Variants in ADAMTS7 observed in about 807,000 individuals in gnomAD.
The protein encoded by ADAMTS7 is A disintegrin and metalloproteinase with thrombospondin motifs 7.
ADAMTS7 carries 89 observed loss-of-function variants against 172.6 expected under a neutral mutation model. The observed-to-expected ratio is 0.52, with a 90% CI of 0.43 to 0.61. ADAMTS7 has a LOEUF of 0.61. Among genes scored for constraint, ADAMTS7 ranks in the 20% least tolerant of loss-of-function variants. The probability of loss-of-function intolerance (pLI) is 0.00; values close to 1 mark genes in which losing one functional copy is unlikely to be tolerated. For missense variants in ADAMTS7, 1,973 were observed against 2,355.6 expected (o/e 0.84, Z 3.36); for synonymous variants, 885 against 978.4 (o/e 0.90, Z 1.78).
rs561021726 is a variant in ADAMTS7, at chr15:78,804,716, A to G, written c.101-4169T>C. ...CCTCAAAGAGCTTTCTCTGAGAGTC[A>G]AGAGACTGGGTAGGCTGGGGCAACG... On this transcript the variant is annotated intron_variant, in intron 1 of 23. Transcript: ENST00000388820. Among the ~76,000 whole-genome samples, 3 of 152,332 alleles carry G rather than the reference A, an allele frequency of 2.0e-5. No homozygotes were observed. In the South Asian group the frequency reaches 6.2e-4, roughly 32 times the overall value.
At position 78,771,713 on chromosome 15, in the gene ADAMTS7, T is replaced by A; in HGVS notation, c.2248A>T (p.Asn750Tyr). Residue 750 changes from asparagine to tyrosine, a missense_variant, in exon 15 of 24, where the codon AAT becomes TAT. Physicochemically the swap from Asn to Tyr is moderately radical, Grantham distance 143 (BLOSUM62 -2). Around this residue, in one of 8 missense-constraint regions of ADAMTS7, gnomAD observed 771 missense variants for 952.6 expected, o/e 0.81. Transcript: ENST00000388820. This position sits in a 1 kb window ranked among gnomAD's most constrained non-coding sequence, Gnocchi z 4.9. ...TTCCACTGGATGGTCCAGCCACCAT[T>A]GAGGAAGTACTTCTCCGGGTCCTCG... is the stretch of plus-strand genomic sequence containing the variant. ...RSEDPEKYFL[N>Y]GGWTIQWNGD... 6.2e-7 allele frequency: 1 copy of A among 1,608,758 alleles called. No individual in the cohort carries two copies. The highest frequency in any genetic ancestry group is 8.5e-7 in the Non-Finnish European group (1 of 1,179,988).
chr15:78,796,564 C>G (rs772215069), intron 4 of ADAMTS7, 26 bp downstream of exon 4: 29 of 1,594,982 alleles, frequency 1.8e-5, no homozygotes, highest in Non-Finnish European at 2.3e-5. Context: ...ATCCCCGCCA[C>G]CCGCTCCTGG....
Position 78,800,243 on chromosome 15 carries a change from C to T in ADAMTS7, c.405G>A (p.Gln135=). 1 of 1,595,440 alleles carries T rather than the reference C, an allele frequency of 6.3e-7. No homozygotes were observed. The highest frequency in any genetic ancestry group is 1.3e-5 in the African/African-American group (1 of 74,756). Reference sequence around the variant, plus strand: ...CCAGGCCACCCTCGAGCTCAGGGTCCTGCACCTCGCCAAGCAGGTGGCAGG... The same window carrying T: ...CCAGGCCACCCTCGAGCTCAGGGTCTTGCACCTCGCCAAGCAGGTGGCAGG... ...TPACHLLGEV[Q]DPELEGGLAA... Residue 135 remains glutamine (Q), a synonymous_variant, in exon 2 of 24, where the codon CAG becomes CAA. Coordinates refer to ENST00000388820, the MANE Select transcript of ADAMTS7 (RefSeq NM_014272.5).
At chr15:78,808,044 T>TG (rs2055818975) in intron 1 of ADAMTS7, among the ~76,000 whole-genome samples, 2 of 151,910 alleles carry the variant, frequency 1.3e-5, no homozygotes, top group African/African-American at 2.4e-5. Context: ...TTTGTAGAGA[T>TG]GGGGTCTCAT....
At chr15:78,810,995 A>G in intron 1 of ADAMTS7, 126 bp downstream of exon 1, 2 of 1,043,632 alleles carry the variant, frequency 1.9e-6, no homozygotes, top group Non-Finnish European at 2.4e-6. Context: ...GGAGCGGAAG[A>G]CGCGACCAAC....
At chr15:78,778,403 C>T (rs533927594) in intron 8 of ADAMTS7, among the ~76,000 whole-genome samples, 266 of 152,366 alleles carry the variant, frequency 1.7e-3, no homozygotes, top group African/African-American at 6.2e-3. Flanking sequence ...CTCAGGCATG[C>T]TATTGCTTCT....
chr15:78,760,267 C>T (rs986730838), intron 23 of ADAMTS7, among the ~76,000 whole-genome samples: 5 of 152,322 alleles, frequency 3.3e-5, no homozygotes, highest in East Asian at 1.9e-4. Context: ...CCTCCTGCCC[C>T]GTGGTTATCA....
At chr15:78,781,520 C>G (rs1357883375) in intron 8 of ADAMTS7, among the ~76,000 whole-genome samples, 1 of 152,136 alleles carries the variant, frequency 6.6e-6, no homozygotes, top group Non-Finnish European at 1.5e-5. Context: ...TCTGGGAGGC[C>G]CCGGCTGGCT....
chr15:78,759,676 C>T (rs1224991356), intron 23 of ADAMTS7, 98 bp from the exon 24 acceptor site: 3 of 1,345,090 alleles, frequency 2.2e-6, no homozygotes, highest in Non-Finnish European at 2.9e-6. Flanking sequence ...CCAGCAGCTC[C>T]CCACCAAGCA....
intron 6 of ADAMTS7, 89 bp from the exon 7 acceptor site, chr15:78,789,927 G>A (rs2055556414): frequency 1.4e-6 from 2 of 1,473,716 alleles, no homozygotes; most frequent in East Asian, 2.5e-5. Context: ...CCCCCGAATT[G>A]ATCCCAAGCG....
intron 1 of ADAMTS7, among the ~76,000 whole-genome samples, chr15:78,806,433 T>C (rs1314037689): frequency 2.6e-5 from 4 of 152,112 alleles, no homozygotes; most frequent in Admixed American, 1.3e-4. Context: ...GGTCCAGGCA[T>C]GTGTTTTGTA....
At chr15:78,786,187 C>A (rs894293929) in intron 8 of ADAMTS7, among the ~76,000 whole-genome samples, 2 of 152,036 alleles carry the variant, frequency 1.3e-5, no homozygotes, top group Non-Finnish European at 2.9e-5. Context: ...GCCTCAGCCT[C>A]CCAAAGTGCT....
rs144841242 is a variant in ADAMTS7 at position 78,803,696 on chromosome 15, A to T, written c.101-3149T>A. Among the ~76,000 whole-genome samples the T allele has an allele frequency of 2.9e-3, 448 of 152,158 alleles. 1 individual carries two copies. Among genetic ancestry groups the T allele is most frequent in the Non-Finnish European group, 3.7e-3 (255 of 68,004 alleles). On this transcript the variant is annotated intron_variant, in intron 1 of 23. Transcript: ENST00000388820. ...TTGAACTCCTGGCCTCTAGTGATCC[A>T]CTCACCTCAGACTCCAAAAGTGCTA...
chr15:78,810,997 G>A (rs1021311738), intron 1 of ADAMTS7, 124 bp downstream of exon 1: 209 of 1,063,380 alleles, frequency 2.0e-4, no homozygotes, highest in Admixed American at 1.8e-3. Context: ...AGCGGAAGAC[G>A]CGACCAACTC....
At position 78,789,310 on chromosome 15, in the gene ADAMTS7, G is replaced by A. The variant is rs145903742; in HGVS notation, c.1178+379C>T. 1.1e-3 allele frequency among the ~76,000 whole-genome samples: 164 copies of A among 152,336 alleles called. 3 individuals carry two copies. In the East Asian group the frequency reaches 0.031, roughly 29 times the overall value. ...GGGAAGCACACAGAGGCCCAGAGAG[G>A]GCAGGCACTGGCCCAGGCCACAGAG... On this transcript the variant is annotated intron_variant, in intron 7 of 23. Coordinates refer to ENST00000388820, the MANE Select transcript of ADAMTS7 (RefSeq NM_014272.5).
intron 22 of ADAMTS7, 113 bp from the exon 23 acceptor site, chr15:78,762,678 T>C: frequency 2.2e-6 from 2 of 900,748 alleles, no homozygotes; most frequent in Non-Finnish European, 3.0e-6. Flanking sequence ...GGCCTGGCCT[T>C]GCTCCCAGCC....
In ADAMTS7 at chr15:78,802,522, C is replaced by A. The variant is rs577656598; in HGVS notation, c.101-1975G>T. Among the ~76,000 whole-genome samples the A allele has an allele frequency of 3.9e-5, 6 of 152,290 alleles. No individual in the cohort carries two copies. In the East Asian group the frequency reaches 1.2e-3, roughly 29 times the overall value. On this transcript the variant is annotated intron_variant, in intron 1 of 23. Transcript: ENST00000388820. ...TTTCTTTCTTTTACATGCAAGAATT[C>A]ATTTAAAGAAAGGTTCCAGGGATGG...
intron 8 of ADAMTS7, among the ~76,000 whole-genome samples, chr15:78,781,950 G>A (rs1339968439): frequency 2.6e-5 from 4 of 152,240 alleles, no homozygotes; most frequent in African/African-American, 7.2e-5. Context: ...CACAAGGCAG[G>A]CCCATCATCA....
Position 78,771,967 on chromosome 15 carries a change from C to T in ADAMTS7, c.2132-138G>A, listed in dbSNP as rs1190520132. 12 of 1,328,086 alleles carry T rather than the reference C, an allele frequency of 9.0e-6. No homozygotes were observed. The highest frequency in any genetic ancestry group is 2.5e-5 in the East Asian group (1 of 40,060). 82.3% of individuals were successfully genotyped at this position (1,328,086 alleles called of 1,614,324 possible). ...TAAAGTCTGAGCTCCCTAAATTGCT[C>T]GGATCTGTCATGGGTCACCAAAACC... On this transcript the variant is annotated intron_variant, in intron 14 of 23. Coordinates refer to ENST00000388820, the MANE Select transcript of ADAMTS7 (RefSeq NM_014272.5). This position sits in a 1 kb window ranked among gnomAD's most constrained non-coding sequence, Gnocchi z 4.9.
Sources: gnomAD v4.1 joint callset for allele counts (sites outside exome capture counted in the v4.1 genomes callset) on GRCh38, gnomAD v4.1.1 for gene constraint, gnomAD v4.1.1 regional missense constraint, Gnocchi (gnomAD v3.1) non-coding constraint, MANE v1.5 for transcripts, NCBI Gene and HGNC (gene_info 2026-07-23, HGNC 2026-07-21) for gene names.